The following DEPTOR variants were observed in gnomAD, a reference collection of about 807,000 sequenced individuals.
DEPTOR encodes the protein DEP domain-containing mTOR-interacting protein.
A neutral mutation model predicts 41.6 loss-of-function variants in DEPTOR; 41 were observed. The observed-to-expected ratio is 0.98, with a 90% CI of 0.77 to 1.28. The LOEUF (loss-of-function observed/expected upper bound fraction) is 1.28. Among genes scored for constraint, DEPTOR ranks in the 50% most tolerant of loss-of-function variants. DEPTOR has a pLI of 0.00. For missense variants in DEPTOR, 514 were observed against 527.9 expected, an observed-to-expected ratio of 0.97 and a Z score of 0.26; for synonymous variants, 195 against 192.3, an observed-to-expected ratio of 1.01 and a Z score of -0.12.
intron 8 of DEPTOR, among the ~76,000 whole-genome samples, chr8:120,041,539 C>A (rs950110523): frequency 6.6e-6 from 1 of 151,862 alleles, no homozygotes; most frequent in African/African-American, 2.4e-5. Flanking sequence ...GTTCTTATAA[C>A]TTTTTTTTAA....
intron 1 of DEPTOR, among the ~76,000 whole-genome samples, chr8:119,919,436 T>TCA (rs1827863144): frequency 6.6e-6 from 1 of 152,236 alleles, no homozygotes; most frequent in Non-Finnish European, 1.5e-5. Context: ...AATTTCATTT[T>TCA]TATATATATT....
intron 1 of DEPTOR, among the ~76,000 whole-genome samples, chr8:119,898,400 G>A (rs773580650): frequency 8.5e-5 from 13 of 152,258 alleles, no homozygotes; most frequent in Non-Finnish European, 1.3e-4. Context: ...GAAAGGTTTG[G>A]TGTTGATTAT....
chr8:120,049,441 T>G (rs1355518724), intron 8 of DEPTOR, 135 bp from the exon 9 acceptor site: 3 of 1,001,996 alleles, frequency 3.0e-6, no homozygotes, highest in Non-Finnish European at 4.1e-6. Flanking sequence ...AATTATTGAA[T>G]TGGAGTCGTC....
intron 3 of DEPTOR, among the ~76,000 whole-genome samples, chr8:119,962,887 G>T (rs754313189): frequency 3.9e-5 from 6 of 152,162 alleles, no homozygotes; most frequent in Non-Finnish European, 7.3e-5. Flanking sequence ...CTGATGACTG[G>T]GCAGGGGGTG....
chr8:119,965,060 C>G (rs1179081459), intron 3 of DEPTOR, among the ~76,000 whole-genome samples, 172 bp from the exon 4 acceptor site: 3 of 151,888 alleles, frequency 2.0e-5, no homozygotes, highest in Non-Finnish European at 4.4e-5. Context: ...GCAACAAGAG[C>G]GAAAATCTGT....
chr8:119,954,950 C>T (rs1828399923), intron 3 of DEPTOR, among the ~76,000 whole-genome samples: 1 of 152,048 alleles, frequency 6.6e-6, no homozygotes, highest in East Asian at 1.9e-4. Context: ...CCTCCGTCTC[C>T]TGGGTTCAAG....
At chr8:120,036,949 G>C (rs1408680754) in intron 8 of DEPTOR, among the ~76,000 whole-genome samples, 1 of 152,194 alleles carries the variant, frequency 6.6e-6, no homozygotes, top group Non-Finnish European at 1.5e-5. Flanking sequence ...CTCTTAGATT[G>C]AAGCAAATTC....
intron 8 of DEPTOR, among the ~76,000 whole-genome samples, chr8:120,048,668 G>A (rs1280167590): frequency 6.6e-6 from 1 of 152,062 alleles, no homozygotes; most frequent in African/African-American, 2.4e-5. Flanking sequence ...ATTTTGTTTT[G>A]CCTGTGACCG....
chr8:119,875,927 A>G (rs1230718574), intron 1 of DEPTOR, among the ~76,000 whole-genome samples: 1 of 152,208 alleles, frequency 6.6e-6, no homozygotes, highest in Admixed American at 6.5e-5. Context: ...TAGAAGCCCA[A>G]GCTGTAGCAG....
At chr8:119,926,528 G>A (rs1362743836) in intron 1 of DEPTOR, among the ~76,000 whole-genome samples, 1 of 152,082 alleles carries the variant, frequency 6.6e-6, no homozygotes, top group Non-Finnish European at 1.5e-5. Flanking sequence ...AGTATAAGTA[G>A]GTCCCATGCA....
chr8:120,022,454 A>G lies in DEPTOR; in HGVS notation c.1101+13321A>G, dbSNP rs555019471. Among the ~76,000 whole-genome samples, 4 of 152,232 alleles carry G rather than the reference A, an allele frequency of 2.6e-5. No homozygotes were observed. The South Asian group carries it at 8.3e-4, about 32-fold the overall frequency. On this transcript the variant is annotated intron_variant, in intron 8 of 8. Coordinates refer to ENST00000286234, the MANE Select transcript of DEPTOR (RefSeq NM_022783.4). ...TGTGCTTCTCCTAAATTGATCTGCT[A>G]TGGGTTTTTACTCTGCCTTTTAACT...
chr8:120,045,200 G>C (rs1813136145), intron 8 of DEPTOR, among the ~76,000 whole-genome samples: 1 of 152,170 alleles, frequency 6.6e-6, no homozygotes, highest in African/African-American at 2.4e-5. Context: ...CAGCATGTGG[G>C]AACGCAAGGG....
At chr8:119,935,340 A>C (rs1828096847) in intron 3 of DEPTOR, among the ~76,000 whole-genome samples, 2 of 152,198 alleles carry the variant, frequency 1.3e-5, no homozygotes, top group African/African-American at 2.4e-5. Context: ...ACAATGTTGA[A>C]TCTCTATCCG....
chr8:120,019,828 T>C (rs1812671149), intron 8 of DEPTOR, among the ~76,000 whole-genome samples: 1 of 152,152 alleles, frequency 6.6e-6, no homozygotes, highest in Admixed American at 6.6e-5. Flanking sequence ...CTTTCCCAGA[T>C]CGAGTTGCCC....
At chr8:119,884,922 T>G (rs1274096454) in intron 1 of DEPTOR, among the ~76,000 whole-genome samples, 1 of 152,084 alleles carries the variant, frequency 6.6e-6, no homozygotes, top group African/African-American at 2.4e-5. Flanking sequence ...ACTACAGGCA[T>G]GAACCACCAT....
intron 4 of DEPTOR, among the ~76,000 whole-genome samples, chr8:119,980,453 T>TTTTTC (rs57896097): frequency 0.042 from 4,702 of 110,838 alleles, 168 homozygotes; most frequent in African/African-American, 0.078. Flanking sequence ...TCATTTTTCT[T>TTTTTC]TTTTCTTTTC....
intron 1 of DEPTOR, among the ~76,000 whole-genome samples, chr8:119,889,083 C>CTGA (rs200396484): frequency 0.019 from 2,838 of 151,964 alleles, 86 homozygotes; most frequent in African/African-American, 0.064. Flanking sequence ...AATAAATATA[C>CTGA]TGATAATTCA....
chr8:119,888,232 A>G (rs1262974260), intron 1 of DEPTOR, among the ~76,000 whole-genome samples: 4 of 152,118 alleles, frequency 2.6e-5, no homozygotes, highest in South Asian at 4.2e-4. Flanking sequence ...AGGAGAAACA[A>G]CTCCTCCAAA....
chr8:119,963,399 G>A (rs1294773914), intron 3 of DEPTOR, among the ~76,000 whole-genome samples: 1 of 151,804 alleles, frequency 6.6e-6, no homozygotes, highest in Non-Finnish European at 1.5e-5. Context: ...CACTCAGGCT[G>A]GAGTGCAGTG....
Sources: gnomAD v4.1 joint callset for allele counts (sites outside exome capture counted in the v4.1 genomes callset) on GRCh38, gnomAD v4.1.1 for gene constraint, MANE v1.5 for transcripts, NCBI Gene and HGNC (gene_info 2026-07-23, HGNC 2026-07-21) for gene names.